The following KIF20B variants were observed in gnomAD, a reference collection of about 807,000 sequenced individuals.
KIF20B encodes kinesin-like protein KIF20B.
In KIF20B, 188 loss-of-function variants were observed where a neutral mutation model predicts 232.5. The observed-to-expected ratio is 0.81, with a 90% CI of 0.72 to 0.91. The LOEUF is 0.91. KIF20B is among the 40% of genes least tolerant of loss of function. The pLI is 0.00. For missense variants in KIF20B, 2,154 were observed against 2,055.9 expected, an observed-to-expected ratio of 1.05 and a Z score of -0.92; for synonymous variants, 712 against 683.0, an observed-to-expected ratio of 1.04 and a Z score of -0.66.
At chr10:89,725,813 T>G (rs959805335) in intron 15 of KIF20B, among the ~76,000 whole-genome samples, 12 of 152,152 alleles carry the variant, frequency 7.9e-5, no homozygotes, top group Non-Finnish European at 1.3e-4. Context: ...ATCAGTTTTT[T>G]GGGGGAGTTG....
chr10:89,734,692 A>G (rs191348025), intron 19 of KIF20B, among the ~76,000 whole-genome samples: 20 of 152,300 alleles, frequency 1.3e-4, no homozygotes, highest in Admixed American at 1.1e-3. Flanking sequence ...TTACATGTGC[A>G]TCCCATGGGC....
intron 26 of KIF20B, among the ~76,000 whole-genome samples, chr10:89,757,045 T>TATATAG (rs1842141233): frequency 9.1e-6 from 1 of 109,676 alleles, no homozygotes. Context: ...TGTGTGTATA[T>TATATAG]ATATATATAT....
chr10:89,736,368 A>G (rs1020319815), intron 19 of KIF20B, among the ~76,000 whole-genome samples: 4 of 152,158 alleles, frequency 2.6e-5, no homozygotes, highest in Non-Finnish European at 5.9e-5. Flanking sequence ...CTATGAGGAA[A>G]GTTTAAAAGA....
At chr10:89,735,834 G>A (rs937782958) in intron 19 of KIF20B, among the ~76,000 whole-genome samples, 7 of 152,176 alleles carry the variant, frequency 4.6e-5, no homozygotes, top group Admixed American at 2.0e-4. Context: ...CACCGTGCCC[G>A]GCCAGAAAGT....
intron 18 of KIF20B, among the ~76,000 whole-genome samples, chr10:89,729,466 C>T (rs913252938): frequency 9.9e-5 from 15 of 152,264 alleles, no homozygotes; most frequent in Admixed American, 7.2e-4. Flanking sequence ...CCACAAGATA[C>T]GCTGGCAGTG....
At position 89,729,222 on chromosome 10, in the gene KIF20B, A is replaced by C; in HGVS notation, c.2366A>C (p.His789Pro). The C allele has an allele frequency of 1.3e-5, 20 of 1,487,412 alleles. No individual in the cohort carries two copies. Among genetic ancestry groups the C allele is most frequent in the Non-Finnish European group, 1.5e-5 (17 of 1,106,118 alleles). 92.1% of individuals were successfully genotyped at this position (1,487,412 alleles called of 1,614,324 possible). Residue 789 changes from histidine to proline, a missense_variant, in exon 18 of 33, where the codon CAT (histidine) becomes CCT (proline). His to Pro is a moderately conservative substitution (Grantham distance 77). Coordinates refer to ENST00000371728, the MANE Select transcript of KIF20B (RefSeq NM_001284259.2). ...AACGAATTTCAGAACCTAAAGTCTCATATGGAAAACACATTTAAATGCAAT... is the reference window on the plus strand; with the variant it reads ...AACGAATTTCAGAACCTAAAGTCTCCTATGGAAAACACATTTAAATGCAAT... ...TINEFQNLKS[H>P]MENTFKCNDK...
At chr10:89,726,191 T>TG in intron 15 of KIF20B, 102 bp from the exon 16 acceptor site, 1 of 1,322,298 alleles carries the variant, frequency 7.6e-7, no homozygotes, top group Admixed American at 3.5e-5. Context: ...TTTCAAGTGA[T>TG]GAATTTTTTG....
chr10:89,741,132 G>T (rs1841786122), intron 21 of KIF20B, among the ~76,000 whole-genome samples: 1 of 152,232 alleles, frequency 6.6e-6, no homozygotes, highest in Non-Finnish European at 1.5e-5. Flanking sequence ...CCATCTGGGG[G>T]TGATGGGAGA....
chr10:89,765,991 C>T (rs560232680), intron 29 of KIF20B, among the ~76,000 whole-genome samples: 18 of 152,186 alleles, frequency 1.2e-4, no homozygotes, highest in African/African-American at 2.9e-4. Flanking sequence ...TGGAGTTGCT[C>T]TTCTCGAGGA....
At position 89,739,024 on chromosome 10, in the gene KIF20B, G is replaced by A. The variant is rs769231788; in HGVS notation, c.3843G>A (p.Lys1281=). The A allele has an allele frequency of 3.0e-5, 48 of 1,613,110 alleles. No individual in the cohort carries two copies. The highest frequency in any genetic ancestry group is 3.8e-5 in the Non-Finnish European group (45 of 1,179,438). Residue 1281 remains lysine (K), a synonymous_variant, in exon 21 of 33, where the codon AAG becomes AAA. Coordinates refer to ENST00000371728, the MANE Select transcript of KIF20B (RefSeq NM_001284259.2). ...ATCTGAAAGCAGATCTTCAGAGGAA[G>A]GAAGAAGATTATGCTGACCTGAAAG... The part of the protein sequence containing the change: ...TQNLKADLQR[K]EEDYADLKEK...
intron 19 of KIF20B, 120 bp downstream of exon 19, chr10:89,733,176 C>T (rs779967567): frequency 9.1e-6 from 9 of 988,174 alleles, no homozygotes; most frequent in South Asian, 1.5e-5. Context: ...AAAATCTAAA[C>T]GTCTTGAATT....
At position 89,739,051 on chromosome 10, in the gene KIF20B, G is replaced by T. The variant is rs36109527; in HGVS notation, c.3870G>T (p.Glu1290Asp). The T allele has an allele frequency of 7.3e-4, 1,173 of 1,613,266 alleles. 6 individuals are homozygous for T. In the African/African-American group the frequency reaches 0.013, roughly 18 times the overall value. ...RKEEDYADLK[E>D]KLTDAKKQIK... ...AAGAAGATTATGCTGACCTGAAAGA[G>T]AAACTGACTGATGCCAAAAAGCAGA... The change falls in exon 21 of 33, where the codon GAG (glutamate) becomes GAT (aspartate). Residue 1290 changes from glutamate (E) to aspartate (D), a missense_variant. Glu to Asp is a conservative substitution (Grantham distance 45). Coordinates refer to ENST00000371728, the MANE Select transcript of KIF20B (RefSeq NM_001284259.2).
At chr10:89,738,817 T>G (rs1841729455) in intron 20 of KIF20B, 141 bp from the exon 21 acceptor site, 1 of 1,165,476 alleles carries the variant, frequency 8.6e-7, no homozygotes, top group Non-Finnish European at 1.2e-6. Flanking sequence ...ATATGAAATA[T>G]TTTCTGAAGA....
chr10:89,724,573 G>A (rs528141454), intron 14 of KIF20B, among the ~76,000 whole-genome samples: 1 of 152,038 alleles, frequency 6.6e-6, no homozygotes, highest in Non-Finnish European at 1.5e-5. Context: ...TCCCATGCAT[G>A]GTTATTTAAA....
Position 89,751,427 on chromosome 10 carries a change from A to T in KIF20B, c.4178A>T (p.Gln1393Leu). The T allele has an allele frequency of 1.2e-6, 2 of 1,610,144 alleles. No individual in the cohort carries two copies. Among genetic ancestry groups the T allele is most frequent in the Non-Finnish European group, 1.7e-6 (2 of 1,178,198 alleles). ...EQEQTQVEQD[Q>L]VLEAKLEEVE... ...GAACAAACTCAGGTAGAACAGGATCAAGTGCTTGAGGCTAAATTAGAGGAA... is the reference window on the plus strand; with the variant it reads ...GAACAAACTCAGGTAGAACAGGATCTAGTGCTTGAGGCTAAATTAGAGGAA... Residue 1393 changes from glutamine to leucine, a missense_variant, in exon 24 of 33, where the codon CAA becomes CTA. Transcript: ENST00000371728.
At position 89,716,508 on chromosome 10, in the gene KIF20B, G is replaced by A. The variant is rs367763475; in HGVS notation, c.1013G>A (p.Ser338Asn). ...RLLKLGIKHQSVAFTKLNNAS... is the reference protein window; with the variant it reads ...RLLKLGIKHQNVAFTKLNNAS... The stretch of plus-strand genomic sequence containing the variant: ...TTAAAACTAGGAATAAAGCACCAGA[G>A]TGTTGCCTTCACAAAATTGAATAAT... The change falls in exon 9 of 33, where the codon AGT becomes AAT. Residue 338 changes from serine (S) to asparagine (N), a missense_variant. Coordinates refer to ENST00000371728, the MANE Select transcript of KIF20B (RefSeq NM_001284259.2). 15 of 1,593,204 alleles carry A rather than the reference G, an allele frequency of 9.4e-6. No homozygotes were observed. The South Asian group carries it at 1.5e-4, about 16-fold the overall frequency.
intron 21 of KIF20B, among the ~76,000 whole-genome samples, chr10:89,742,011 GCTTC>G (rs1334843958): frequency 6.6e-6 from 1 of 152,014 alleles, no homozygotes; most frequent in Non-Finnish European, 1.5e-5. Context: ...GTTGTAAAGG[GCTTC>G]CTTTAAATGA....
Position 89,752,624 on chromosome 10 carries a change from C to A in KIF20B, c.4280C>A (p.Ser1427Ter). 1.9e-6 allele frequency: 3 copies of A among 1,605,518 alleles called. No individual in the cohort carries two copies. The South Asian group carries it at 3.3e-5, about 18-fold the overall frequency. ...NDLETKNNQR[S>*]NKEHENNTDV... ...TTGGAAACCAAAAACAATCAAAGGT[C>A]AAATAAAGAACATGAGAACAACACA... Residue 1427 changes from serine to a stop codon, truncating the protein, a stop_gained, in exon 25 of 33, where the codon TCA (serine) becomes TAA (stop). Transcript: ENST00000371728. LOFTEE classifies it high-confidence loss of function.
intron 2 of KIF20B, among the ~76,000 whole-genome samples, 167 bp downstream of exon 2, chr10:89,705,608 A>G (rs1842706238): frequency 1.3e-5 from 2 of 152,262 alleles, no homozygotes; most frequent in Admixed American, 1.3e-4. Context: ...GAATAATGTC[A>G]CATAACATAA....
Sources: allele counts gnomAD v4.1 joint callset (sites outside exome capture counted in the v4.1 genomes callset), GRCh38; gene constraint gnomAD v4.1.1; transcripts MANE v1.5; gene names NCBI Gene and HGNC (gene_info 2026-07-23, HGNC 2026-07-21).